PRPF8: variants seen among roughly 807,000 people sequenced by gnomAD.
The protein encoded by PRPF8 is pre-mRNA processing factor 8.
PRPF8 carries 64 observed loss-of-function variants against 285.9 expected under a neutral mutation model. The observed-to-expected ratio is 0.22, with a 90% CI of 0.18 to 0.28. The LOEUF is 0.28. Ranked by LOEUF, PRPF8 falls within the 10% of genes least tolerant of loss-of-function variation. PRPF8 has a pLI of 1.00. For synonymous variants in PRPF8, 1,325 were observed against 1,118.2 expected (o/e 1.18, Z -3.69); for missense variants, 1,426 against 3,026.7 (o/e 0.47, Z 12.41).
Position 1,673,177 on chromosome 17 carries a change from A to G in PRPF8, c.3678T>C (p.Ala1226=), listed in dbSNP as rs747139707. ...LQNEVTKERT[A]QCFLRVDDES... ...CATCGTCCACACGCAGGAAACACTG[A>G]GCTGTGCGCTCCTTAGTAACCTAAA... The change falls in exon 24 of 43, where the codon GCT becomes GCC. Residue 1226 remains alanine (A), a synonymous_variant. Coordinates refer to ENST00000304992, the MANE Select transcript of PRPF8 (RefSeq NM_006445.4). This position sits in a 1 kb window ranked among gnomAD's most constrained non-coding sequence, Gnocchi z 5.5. 1.2e-6 allele frequency: 2 copies of G among 1,614,218 alleles called. No homozygotes were observed. Among genetic ancestry groups the G allele is most frequent in the Non-Finnish European group, 1.7e-6 (2 of 1,180,036 alleles).
chr17:1,682,005 T>C lies in PRPF8; in HGVS notation c.468A>G (p.Arg156=), dbSNP rs758745753. ...GCATCCTCTTGAAATGCCTCCTATC[T>C]CTTTTTTCTCGGCGCATCATAATCC... ...SMWIMMRREK[R]DRRHFKRMRF... Residue 156 remains arginine, a synonymous_variant, in exon 5 of 43, where the codon AGA becomes AGG. Transcript: ENST00000304992. 16 of 1,613,822 alleles carry C rather than the reference T, an allele frequency of 9.9e-6. No homozygotes were observed. In the South Asian group the frequency reaches 1.6e-4, roughly 17 times the overall value.
At chr17:1,678,417 A>C (rs368141308) in intron 13 of PRPF8, 101 bp downstream of exon 13, 1 of 1,450,732 alleles carries the variant, frequency 6.9e-7, no homozygotes, top group East Asian at 2.3e-5. Context: ...CAGGAGGCGG[A>C]GGTTGCAGTG....
At position 1,661,440 on chromosome 17, in the gene PRPF8, G is replaced by A; in HGVS notation, c.4203-34C>T. ...AAAAGAAAGATTCAAGTCAAAACGT[G>A]ATCTCATATGAGGAGCTCAGCACTC... On this transcript the variant is annotated intron_variant, in intron 26 of 42. Coordinates refer to ENST00000304992, the MANE Select transcript of PRPF8 (RefSeq NM_006445.4). The surrounding 1 kb of genome is among the most constrained non-coding windows in gnomAD (Gnocchi z 7.3). The A allele has an allele frequency of 6.2e-7, 1 of 1,613,948 alleles. No individual in the cohort carries two copies. The highest frequency in any genetic ancestry group is 1.3e-5 in the African/African-American group (1 of 75,036).
rs370148960 is a variant in PRPF8, at chr17:1,656,810, G to A, written c.5506-49C>T. ...TGGAAATTTAGTCTCTACCCTCCCAGATCAACTAGAACAGAATATCCTAGT... is the reference window on the plus strand; with the variant it reads ...TGGAAATTTAGTCTCTACCCTCCCAAATCAACTAGAACAGAATATCCTAGT... On this transcript the variant is annotated intron_variant, in intron 34 of 42. Transcript: ENST00000304992. 7 of 1,457,718 alleles carry A rather than the reference G, an allele frequency of 4.8e-6. No individual in the cohort carries two copies. In the Admixed American group the frequency reaches 8.9e-5, roughly 18 times the overall value. 90.3% of individuals were successfully genotyped at this position (1,457,718 alleles called of 1,614,324 possible).
chr17:1,684,417 G>A (rs375444614), intron 2 of PRPF8, 55 bp downstream of exon 2: 1 of 1,587,474 alleles, frequency 6.3e-7, no homozygotes, highest in East Asian at 2.2e-5. Context: ...CCGCCTGCGC[G>A]CGCGCACACC....
chr17:1,667,605 G>A (rs1227661727), intron 24 of PRPF8, among the ~76,000 whole-genome samples: 11 of 144,530 alleles, frequency 7.6e-5, no homozygotes, highest in African/African-American at 2.4e-4. Context: ...GTGCAGTGGC[G>A]CAATCTCAGC....
Position 1,653,926 on chromosome 17 carries a change from G to T in PRPF8, c.6078C>A (p.Ile2026=). ...ISAPSQQRQQ[I]AEIEKQTKEQ... ...CCTTGGTCTGCTTCTCGATCTCAGC[G>T]ATCTGCTGCCGCTGCTGTGACGGTG... The change falls in exon 38 of 43, where the codon ATC becomes ATA. Residue 2026 remains isoleucine, a synonymous_variant. Coordinates refer to ENST00000304992, the MANE Select transcript of PRPF8 (RefSeq NM_006445.4). The surrounding 1 kb of genome is among the most constrained non-coding windows in gnomAD (Gnocchi z 4.9). 6.2e-7 allele frequency: 1 copy of T among 1,614,146 alleles called. No individual in the cohort carries two copies. Among genetic ancestry groups the T allele is most frequent in the African/African-American group, 1.3e-5 (1 of 75,014 alleles).
Position 1,673,882 on chromosome 17 carries a change from C to G in PRPF8, c.3310G>C (p.Asp1104His), listed in dbSNP as rs775388373. 6.2e-7 allele frequency: 1 copy of G among 1,613,502 alleles called. No homozygotes were observed. Among genetic ancestry groups the G allele is most frequent in the Non-Finnish European group, 8.5e-7 (1 of 1,180,004 alleles). ...RIHIFFRFTA[D>H]EARDLIQRYL... is the part of the protein sequence containing the mutation. ...CGTTGAATCAGGTCCCGAGCCTCAT[C>G]TGCTGTGAACCTACACCAGACCAGG... The change falls in exon 22 of 43, where the codon GAT (aspartate) becomes CAT (histidine). Residue 1104 changes from aspartate (D) to histidine (H), a missense_variant. This residue lies in a region of PRPF8 where 148 missense variants were observed against 196.2 expected (regional missense o/e 0.75). Transcript: ENST00000304992. The surrounding 1 kb of genome is among the most constrained non-coding windows in gnomAD (Gnocchi z 5.5).
Position 1,651,434 on chromosome 17 carries a change from C to T in PRPF8, c.6630G>A (p.Lys2210=), listed in dbSNP as rs373805624. Residue 2210 remains lysine, a synonymous_variant, in exon 41 of 43, where the codon AAG becomes AAA. Coordinates refer to ENST00000304992, the MANE Select transcript of PRPF8 (RefSeq NM_006445.4). This position sits in a 1 kb window ranked among gnomAD's most constrained non-coding sequence, Gnocchi z 5.1. ...CCCACCTGCATGTGATGATAATGGT[C>T]TTCTCGCCATCCCAAGATGGGTTGT... ...MADNPSWDGE[K]TIIITCSFTP... is the part of the protein sequence containing the mutation. 6.1e-5 allele frequency: 99 copies of T among 1,614,058 alleles called. No homozygotes were observed. The highest frequency in any genetic ancestry group is 8.0e-5 in the Non-Finnish European group (94 of 1,180,040).
rs766894608 is a variant in PRPF8 at position 1,650,777 on chromosome 17, G to C, written c.*25C>G. 6.2e-7 allele frequency: 1 copy of C among 1,613,314 alleles called. No homozygotes were observed. Among genetic ancestry groups the C allele is most frequent in the Non-Finnish European group, 8.5e-7 (1 of 1,179,854 alleles). On this transcript the variant is annotated 3_prime_UTR_variant, in exon 43 of 43. Coordinates refer to ENST00000304992, the MANE Select transcript of PRPF8 (RefSeq NM_006445.4). ...GGGGCTGAGGCTTCGGCCTCGGGAG[G>C]CTGAAGCAGGAGGCAGGGAAACGGT...
Position 1,655,442 on chromosome 17 carries a change from G to A in PRPF8, c.5895C>T (p.His1965=). Residue 1965 remains histidine (H), a synonymous_variant, in exon 37 of 43, where the codon CAC becomes CAT. Transcript: ENST00000304992. ...KPDKTTITEP[H]HIWPTLTDEE... ...CGTCAGTCAGAGTGGGCCAGATGTG[G>A]TGTGGTTCTGTAATAGTAGTCTTGT... The A allele has an allele frequency of 6.2e-7, 1 of 1,614,112 alleles. No homozygotes were observed. The highest frequency in any genetic ancestry group is 8.5e-7 in the Non-Finnish European group (1 of 1,180,022).
intron 21 of PRPF8, 120 bp downstream of exon 21, chr17:1,674,322 G>T: frequency 1.9e-6 from 2 of 1,071,556 alleles, no homozygotes; most frequent in Non-Finnish European, 2.9e-6. Flanking sequence ...GCACCCGGCC[G>T]CTTCATTCCA....
intron 24 of PRPF8, among the ~76,000 whole-genome samples, chr17:1,667,959 T>G (rs1912087900): frequency 6.6e-6 from 1 of 152,248 alleles, no homozygotes. Flanking sequence ...ATTGCAGGCA[T>G]AAGCCACCAT....
chr17:1,657,441 T>G (rs28708933), intron 34 of PRPF8, among the ~76,000 whole-genome samples: 1 of 151,726 alleles, frequency 6.6e-6, no homozygotes, highest in African/African-American at 2.4e-5. Flanking sequence ...GTCAGGAGAT[T>G]GAGACCATCC....
intron 24 of PRPF8, among the ~76,000 whole-genome samples, chr17:1,668,668 C>T (rs1336008921): frequency 2.6e-5 from 4 of 151,748 alleles, no homozygotes; most frequent in Non-Finnish European, 4.4e-5. Context: ...GGCTGGGTCC[C>T]GCACTCTTGA....
rs376155473 is a variant in PRPF8, at chr17:1,659,263, C to T, written c.5138+94G>A. The T allele has an allele frequency of 2.3e-5, 32 of 1,408,234 alleles. No individual in the cohort carries two copies. Among genetic ancestry groups the T allele is most frequent in the African/African-American group, 1.8e-4 (13 of 70,900 alleles). The allele number at this position is 1,408,234 out of a possible 1,614,324, so 87.2% of individuals were successfully genotyped here. On this transcript the variant is annotated intron_variant, in intron 32 of 42. Transcript: ENST00000304992. This position sits in a 1 kb window ranked among gnomAD's most constrained non-coding sequence, Gnocchi z 5.1. ...CTGGTCTCAAACTCCTGAGCTCAGA[C>T]AATCTGCCCACCGCGGCCTCCCAAA...
chr17:1,662,856 GA>G lies in PRPF8; in HGVS notation c.3775-704del, dbSNP rs141240714. 5.1e-3 allele frequency among the ~76,000 whole-genome samples: 721 copies of G among 142,346 alleles called. 4 individuals carry two copies. The highest frequency in any genetic ancestry group is 0.017 in the African/African-American group (678 of 38,804). 93.4% of individuals were successfully genotyped at this position (142,346 alleles called of 152,430 possible). A position where few individuals can be genotyped will look rare whatever the true frequency, so the allele number is the denominator to read the frequency against. On this transcript the variant is annotated intron_variant, in intron 24 of 42. Coordinates refer to ENST00000304992, the MANE Select transcript of PRPF8 (RefSeq NM_006445.4). The stretch of plus-strand genomic sequence containing the variant: ...AAAAAAAAAAAAAAGAAAAGAAAAA[GA>G]AAAAAAAAAGCACACCAGATGGAGC...
chr17:1,651,433 T>C lies in PRPF8; in HGVS notation c.6631A>G (p.Thr2211Ala). Residue 2211 changes from threonine (T) to alanine (A), a missense_variant, in exon 41 of 43, where the codon ACC (threonine) becomes GCC (alanine). By Grantham distance (58) the Thr-to-Ala change is moderately conservative. Around this residue, in one of 34 missense-constraint regions of PRPF8, gnomAD observed 160 missense variants for 373.7 expected, o/e 0.43. Transcript: ENST00000304992. This position sits in a 1 kb window ranked among gnomAD's most constrained non-coding sequence, Gnocchi z 5.1. ...ADNPSWDGEK[T>A]IIITCSFTPG... ...GCCCACCTGCATGTGATGATAATGG[T>C]CTTCTCGCCATCCCAAGATGGGTTG... The C allele has an allele frequency of 6.2e-7, 1 of 1,614,120 alleles. No individual in the cohort carries two copies. Among genetic ancestry groups the C allele is most frequent in the Non-Finnish European group, 8.5e-7 (1 of 1,180,020 alleles).
chr17:1,669,554 A>T (rs28369495), intron 24 of PRPF8, among the ~76,000 whole-genome samples: 1 of 152,288 alleles, frequency 6.6e-6, no homozygotes, highest in East Asian at 1.9e-4. Context: ...ACTGACAAAC[A>T]GATTGTCCTT....
Sources: allele counts gnomAD v4.1 joint callset (sites outside exome capture counted in the v4.1 genomes callset), GRCh38; gene constraint gnomAD v4.1.1; regional missense constraint gnomAD v4.1.1; non-coding constraint Gnocchi (gnomAD v3.1); transcripts MANE v1.5; gene names NCBI Gene and HGNC (gene_info 2026-07-23, HGNC 2026-07-21).